Variants in PLCE1 observed in about 807,000 individuals in gnomAD.
The protein encoded by PLCE1 is 1-phosphatidylinositol 4,5-bisphosphate phosphodiesterase epsilon-1.
PLCE1 carries 119 observed loss-of-function variants against 242.8 expected under a neutral mutation model. The observed-to-expected ratio is 0.49, with a 90% CI of 0.42 to 0.57. The LOEUF is 0.57. PLCE1 is among the 20% of genes least tolerant of loss of function. The pLI is 0.00. For missense variants in PLCE1, 2,441 were observed against 2,788.8 expected (o/e 0.88, Z 2.81); for synonymous variants, 945 against 1,017.4 (o/e 0.93, Z 1.35).
rs1226062492 is a variant in PLCE1 at position 94,330,171 on chromosome 10, T to C, written c.*2228T>C. 1 of 149,584 alleles carries C rather than the reference T, an allele frequency of 6.7e-6. No homozygotes were observed. 9.3% of individuals were successfully genotyped at this position (149,584 alleles called of 1,614,324 possible). A position where few individuals can be genotyped will look rare whatever the true frequency, so the allele number is the denominator to read the frequency against. On this transcript the variant is annotated 3_prime_UTR_variant, in exon 33 of 33. Coordinates refer to ENST00000371380, the MANE Select transcript of PLCE1 (RefSeq NM_016341.4). ...CACATTTGATTCTGATGCTAAGCGCTGCCCCACTCCTCCTCCATGACCTTT... is the reference window on the plus strand; with the variant it reads ...CACATTTGATTCTGATGCTAAGCGCCGCCCCACTCCTCCTCCATGACCTTT...
intron 13 of PLCE1, among the ~76,000 whole-genome samples, chr10:94,259,583 A>G (rs1234046704): frequency 6.6e-6 from 1 of 152,124 alleles, no homozygotes; most frequent in Non-Finnish European, 1.5e-5. Context: ...TCACCTGGCC[A>G]ACACTTAGAG....
intron 18 of PLCE1, among the ~76,000 whole-genome samples, chr10:94,272,310 G>T (rs902663282): frequency 1.3e-5 from 2 of 152,164 alleles, no homozygotes; most frequent in African/African-American, 2.4e-5. Context: ...GCTAGGAAAA[G>T]AATTTAGCAA....
intron 24 of PLCE1, among the ~76,000 whole-genome samples, chr10:94,299,745 C>CAT (rs2052970054): frequency 6.6e-6 from 1 of 152,218 alleles, no homozygotes. Flanking sequence ...GCCAACAACA[C>CAT]CCATTGGTGG....
intron 2 of PLCE1, among the ~76,000 whole-genome samples, chr10:94,122,167 C>G (rs1265537791): frequency 1.3e-5 from 2 of 152,166 alleles, no homozygotes; most frequent in African/African-American, 4.8e-5. Context: ...TCCTCTGAGC[C>G]AGGGATCACA....
At chr10:94,129,289 A>G (rs1277525522) in intron 2 of PLCE1, among the ~76,000 whole-genome samples, 1 of 152,276 alleles carries the variant, frequency 6.6e-6, no homozygotes, top group Non-Finnish European at 1.5e-5. Context: ...ATTATTTGGC[A>G]CAGCACTACG....
At chr10:94,061,770 G>A (rs938314250) in intron 2 of PLCE1, among the ~76,000 whole-genome samples, 1 of 152,034 alleles carries the variant, frequency 6.6e-6, no homozygotes, top group African/African-American at 2.4e-5. Flanking sequence ...GGAAGTGAAA[G>A]TTTTATCCAA....
intron 2 of PLCE1, among the ~76,000 whole-genome samples, chr10:94,050,263 G>A (rs1276502741): frequency 3.9e-5 from 6 of 152,146 alleles, no homozygotes; most frequent in South Asian, 4.1e-4. Context: ...ACAATCAGGC[G>A]GAAGGGGAAG....
At chr10:94,208,474 T>C (rs2049234722) in intron 4 of PLCE1, among the ~76,000 whole-genome samples, 1 of 152,222 alleles carries the variant, frequency 6.6e-6, no homozygotes, top group South Asian at 2.1e-4. Flanking sequence ...ATGCAAAGTG[T>C]GGTCCCCCGA....
At chr10:94,034,592 G>C (rs971877760) in intron 2 of PLCE1, among the ~76,000 whole-genome samples, 2 of 152,064 alleles carry the variant, frequency 1.3e-5, no homozygotes, top group African/African-American at 4.8e-5. Context: ...AATTCTGTTC[G>C]TTTCAGCATC....
At chr10:94,241,788 A>AG (rs1372832005) in intron 7 of PLCE1, among the ~76,000 whole-genome samples, 1 of 146,006 alleles carries the variant, frequency 6.8e-6, no homozygotes, top group Non-Finnish European at 1.5e-5. Context: ...CTCCATCTCC[A>AG]GAAAAAAAAA....
In PLCE1 at chr10:94,184,495, A is replaced by C. The variant is rs2048408622; in HGVS notation, c.1809+12999A>C. Among the ~76,000 whole-genome samples, 3 of 151,952 alleles carry C rather than the reference A, an allele frequency of 2.0e-5. No individual in the cohort carries two copies. The South Asian group carries it at 6.2e-4, about 31-fold the overall frequency. ...CAGGCACCTGCCACCATGCCCAGCT[A>C]ATTTTTGTATTTTTCGTAGAGACAG... On this transcript the variant is annotated intron_variant, in intron 4 of 32. Transcript: ENST00000371380.
intron 17 of PLCE1, 47 bp downstream of exon 17, chr10:94,269,083 T>C (rs775808062): frequency 1.4e-6 from 1 of 707,130 alleles, no homozygotes; most frequent in Non-Finnish European, 2.4e-6. Context: ...AGAGACATTA[T>C]CTTCATTTGT....
At chr10:94,071,159 A>G (rs1398492320) in intron 2 of PLCE1, among the ~76,000 whole-genome samples, 1 of 152,124 alleles carries the variant, frequency 6.6e-6, no homozygotes, top group African/African-American at 2.4e-5. Context: ...TATTCCACCA[A>G]GACGTAGTCA....
chr10:94,045,247 C>T (rs979036072), intron 2 of PLCE1, among the ~76,000 whole-genome samples: 3 of 152,074 alleles, frequency 2.0e-5, no homozygotes, highest in Non-Finnish European at 2.9e-5. Context: ...GCCTCAGCCC[C>T]CTGAGAAGCT....
chr10:94,292,019 A>G (rs1035344285), intron 22 of PLCE1, among the ~76,000 whole-genome samples: 1 of 152,230 alleles, frequency 6.6e-6, no homozygotes, highest in African/African-American at 2.4e-5. Flanking sequence ...GCAAAAGTCC[A>G]GAATGAACAG....
At chr10:94,315,514 A>G (rs1404233669) in intron 28 of PLCE1, 2 of 455,998 alleles carry the variant, frequency 4.4e-6, no homozygotes, top group East Asian at 1.4e-4. Flanking sequence ...AATGCCTGTA[A>G]TCCCGGCACT....
Position 94,324,401 on chromosome 10 carries a change from G to A in PLCE1, c.6554G>A (p.Ser2185Asn). Residue 2185 changes from serine to asparagine, a missense_variant, in exon 31 of 33, where the codon AGC (serine) becomes AAC (asparagine). Ser to Asn is a conservative substitution (Grantham distance 46, BLOSUM62 1). Transcript: ENST00000371380. ...AGCATCCTGAGCAACCCCAATCCAA[G>A]CGACTATGTGCTTTTGGAAGAGGTG... ...SYSILSNPNPSDYVLLEEVVK... is the reference protein window; with the variant it reads ...SYSILSNPNPNDYVLLEEVVK... 6.2e-7 allele frequency: 1 copy of A among 1,614,144 alleles called. No homozygotes were observed. The highest frequency in any genetic ancestry group is 8.5e-7 in the Non-Finnish European group (1 of 1,180,032).
At chr10:94,258,943 C>G (rs773716693) in intron 12 of PLCE1, 21 bp downstream of exon 12, 7 of 1,613,936 alleles carry the variant, frequency 4.3e-6, no homozygotes, top group African/African-American at 1.3e-5. Flanking sequence ...ATGTTTCCTT[C>G]TTATTCTTTC....
At chr10:94,193,464 T>C (rs933394079) in intron 4 of PLCE1, among the ~76,000 whole-genome samples, 2 of 152,202 alleles carry the variant, frequency 1.3e-5, no homozygotes, top group Non-Finnish European at 2.9e-5. Context: ...AAAGCTTTTC[T>C]TGTGTTTGAT....
Sources: gnomAD v4.1 joint callset for allele counts (sites outside exome capture counted in the v4.1 genomes callset) on GRCh38, gnomAD v4.1.1 for gene constraint, MANE v1.5 for transcripts, NCBI Gene and HGNC (gene_info 2026-07-23, HGNC 2026-07-21) for gene names.